DISP3: variants seen among roughly 807,000 people sequenced by gnomAD.
DISP3 encodes dispatched RND transporter family member 3.
A neutral mutation model predicts 135.3 loss-of-function variants in DISP3; 101 were observed. The observed-to-expected ratio is 0.75, with a 90% CI of 0.64 to 0.88. DISP3 has a LOEUF of 0.88. DISP3 is among the 40% of genes least tolerant of loss of function. The probability of loss-of-function intolerance (pLI) is 0.00; values close to 1 mark genes in which losing one functional copy is unlikely to be tolerated. For missense variants in DISP3, 1,713 were observed against 1,878.6 expected, an observed-to-expected ratio of 0.91 and a Z score of 1.63; for synonymous variants, 856 against 817.0, an observed-to-expected ratio of 1.05 and a Z score of -0.81.
chr1:11,533,520 G>A (rs576159812), intron 17 of DISP3, among the ~76,000 whole-genome samples: 1 of 152,278 alleles, frequency 6.6e-6, no homozygotes, highest in East Asian at 1.9e-4. Context: ...GCCTCCCAAA[G>A]TGCGGGGATT....
At chr1:11,535,681 A>AT in intron 20 of DISP3, 37 bp downstream of exon 20, 1 of 1,586,038 alleles carries the variant, frequency 6.3e-7, no homozygotes, top group Non-Finnish European at 8.6e-7. Flanking sequence ...TTCCCACCAC[A>AT]TTGGGTCTTC....
intron 3 of DISP3, among the ~76,000 whole-genome samples, chr1:11,511,628 T>G (rs1641858317): frequency 6.6e-6 from 1 of 152,042 alleles, no homozygotes; most frequent in Non-Finnish European, 1.5e-5. Flanking sequence ...TGGCATTGAG[T>G]GTCTGCAGCT....
chr1:11,524,594 C>T (rs1303694492), intron 11 of DISP3, among the ~76,000 whole-genome samples: 1 of 150,822 alleles, frequency 6.6e-6, no homozygotes, highest in African/African-American at 2.4e-5. Context: ...ACCACCTCCC[C>T]CACCATCCCT....
Position 11,512,874 on chromosome 1 carries a change from A to G in DISP3, c.1317-1516A>G, listed in dbSNP as rs529421886. 9.3e-3 allele frequency among the ~76,000 whole-genome samples: 1,409 copies of G among 152,312 alleles called. 12 individuals carry two copies. The highest frequency in any genetic ancestry group is 0.014 in the Non-Finnish European group (955 of 68,022). ...ACTCAGAATCATGGCAGGAGGCAAA[A>G]GGCACTTCTTACATGGGGACGGCAG... is the stretch of plus-strand genomic sequence containing the variant. On this transcript the variant is annotated intron_variant, in intron 3 of 20. Transcript: ENST00000294484.
chr1:11,503,239 A>G (rs1327483999), intron 3 of DISP3, among the ~76,000 whole-genome samples: 1 of 152,208 alleles, frequency 6.6e-6, no homozygotes, highest in Non-Finnish European at 1.5e-5. Context: ...TCACTGTATT[A>G]GTCAGGGTTC....
Position 11,529,863 on chromosome 1 carries a change from G to A in DISP3, c.3006G>A (p.Arg1002=), listed in dbSNP as rs1642529787. 1 of 1,613,918 alleles carries A rather than the reference G, an allele frequency of 6.2e-7. No homozygotes were observed. Among genetic ancestry groups the A allele is most frequent in the Non-Finnish European group, 8.5e-7 (1 of 1,180,036 alleles). ...CGGGCTGCGGGAAGCCGGCGGTGCG[G>A]CCACTAGTGGATACCGGGGCCATGG... ...VNTGCGKPAV[R]PLVDTGAMVF... is the part of the protein sequence containing the mutation. Residue 1002 remains arginine, a synonymous_variant, in exon 15 of 21, where the codon CGG becomes CGA. Coordinates refer to ENST00000294484, the MANE Select transcript of DISP3 (RefSeq NM_020780.2). This position sits in a 1 kb window ranked among gnomAD's most constrained non-coding sequence, Gnocchi z 4.7.
At chr1:11,530,556 C>T (rs1435403601) in intron 15 of DISP3, among the ~76,000 whole-genome samples, 1 of 151,178 alleles carries the variant, frequency 6.6e-6, no homozygotes, top group East Asian at 1.9e-4. Flanking sequence ...TGCAGGCGCT[C>T]GGAGCAGGGG....
rs1005397572 is a variant in DISP3 at position 11,529,660 on chromosome 1, GCTT to G, written c.2911_2913del (p.Phe971del). ...TCCAGCCCCGATGGGCCTACCAAAG[GCTT>G]CTTCTTCGTGCCTAGTGAGAAAGGT... is the stretch of plus-strand genomic sequence containing the variant. On this transcript the variant is annotated inframe_deletion, in exon 14 of 21. Transcript: ENST00000294484. The surrounding 1 kb of genome is among the most constrained non-coding windows in gnomAD (Gnocchi z 4.7). The G allele has an allele frequency of 6.2e-7, 1 of 1,607,996 alleles. No homozygotes were observed. The highest frequency in any genetic ancestry group is 8.5e-7 in the Non-Finnish European group (1 of 1,175,198).
chr1:11,497,841 T>C (rs929011322), intron 1 of DISP3, among the ~76,000 whole-genome samples: 1 of 152,260 alleles, frequency 6.6e-6, no homozygotes, highest in Non-Finnish European at 1.5e-5. Flanking sequence ...TTAATTCATT[T>C]GTCCAGGGGA....
At chr1:11,534,925 CAGAG>C (rs1266590339) in intron 18 of DISP3, 82 bp from the exon 19 acceptor site, 2 of 1,206,936 alleles carry the variant, frequency 1.7e-6, no homozygotes, top group Non-Finnish European at 1.2e-6. Flanking sequence ...GTCGGAGTCT[CAGAG>C]AGGTCAAGGG....
At chr1:11,527,547 CAAAA>C (rs35666879) in intron 13 of DISP3, among the ~76,000 whole-genome samples, 1 of 123,310 alleles carries the variant, frequency 8.1e-6, no homozygotes, top group East Asian at 2.2e-4. Flanking sequence ...GACTCCATCT[CAAAA>C]AAAAAAAAAA....
intron 1 of DISP3, among the ~76,000 whole-genome samples, chr1:11,494,213 T>A (rs1367537859): frequency 1.3e-5 from 2 of 152,374 alleles, no homozygotes; most frequent in East Asian, 3.8e-4. Context: ...ATGCCTTCCC[T>A]AGCGTCCTTG....
At chr1:11,524,137 T>C (rs1439254384) in intron 11 of DISP3, 82 bp downstream of exon 11, 1 of 1,051,662 alleles carries the variant, frequency 9.5e-7, no homozygotes, top group Non-Finnish European at 1.4e-6. Context: ...ATAAAATTCC[T>C]TCTGGATTCT....
At position 11,514,486 on chromosome 1, in the gene DISP3, C is replaced by T. The variant is rs772485991; in HGVS notation, c.1413C>T (p.Ser471=). The change falls in exon 4 of 21, where the codon AGC becomes AGT. Residue 471 remains serine (S), a synonymous_variant. Coordinates refer to ENST00000294484, the MANE Select transcript of DISP3 (RefSeq NM_020780.2). ...TGCTCCTGGCCTTCATCAGCAGCAG[C>T]TGCATTGCTGCCCTGGTCTACATCC... ...NDMLLAFISS[S]CIAALVYILT... is the part of the protein sequence containing the mutation. The T allele has an allele frequency of 4.3e-6, 7 of 1,614,064 alleles. No individual in the cohort carries two copies. In the Admixed American group the frequency reaches 5.0e-5, roughly 12 times the overall value.
In DISP3 at chr1:11,502,707, G is replaced by C; in HGVS notation, c.1126G>C (p.Glu376Gln). The part of the protein sequence containing the change: ...GSLELAMTHP[E>Q]FYWYVDEGLS... ...CCTGGAGCTGGCCATGACTCACCCT[G>C]AGTTCTACTGGTATGTGGATGAGGG... Residue 376 changes from glutamate (E) to glutamine (Q), a missense_variant, in exon 3 of 21, where the codon GAG becomes CAG. Transcript: ENST00000294484. 6.2e-7 allele frequency: 1 copy of C among 1,614,154 alleles called. No individual in the cohort carries two copies.
chr1:11,498,919 A>G (rs1372977813), intron 1 of DISP3, among the ~76,000 whole-genome samples: 2 of 152,098 alleles, frequency 1.3e-5, no homozygotes, highest in Non-Finnish European at 2.9e-5. Context: ...GTCTGCCTCC[A>G]AAGCCGTAGC....
Position 11,501,606 on chromosome 1 carries a change from G to A in DISP3, c.614G>A (p.Arg205His). Reference sequence around the variant, plus strand: ...GCCAATCGGAGCGGGCGACTTCGGCGTGAGACCCCGCCCCTGGAGGATCTG... The same window carrying A: ...GCCAATCGGAGCGGGCGACTTCGGCATGAGACCCCGCCCCTGGAGGATCTG... ...PTANRSGRLR[R>H]ETPPLEDLAA... is the part of the protein sequence containing the mutation. The change falls in exon 2 of 21, where the codon CGT becomes CAT. Residue 205 changes from arginine to histidine, a missense_variant. This residue lies in a region of DISP3 where 571 missense variants were observed against 494.1 expected (regional missense o/e 1.16). Transcript: ENST00000294484. The surrounding 1 kb of genome is among the most constrained non-coding windows in gnomAD (Gnocchi z 4.9). The A allele has an allele frequency of 6.2e-7, 1 of 1,602,698 alleles. No homozygotes were observed. The highest frequency in any genetic ancestry group is 1.7e-5 in the Admixed American group (1 of 58,934).
chr1:11,503,994 C>T (rs953656188), intron 3 of DISP3, among the ~76,000 whole-genome samples: 17 of 152,168 alleles, frequency 1.1e-4, no homozygotes, highest in African/African-American at 4.1e-4. Context: ...AGCAGTCCTT[C>T]TGGGCAGTAA....
At position 11,516,037 on chromosome 1, in the gene DISP3, G is replaced by T; in HGVS notation, c.1625G>T (p.Arg542Leu). 1 of 1,613,974 alleles carries T rather than the reference G, an allele frequency of 6.2e-7. No individual in the cohort carries two copies. The highest frequency in any genetic ancestry group is 8.5e-7 in the Non-Finnish European group (1 of 1,179,950). Residue 542 changes from arginine to leucine, a missense_variant, in exon 6 of 21, where the codon CGC becomes CTC. Arg to Leu is a moderately radical substitution (Grantham distance 102, BLOSUM62 -2). Around this residue, in one of 2 missense-constraint regions of DISP3, gnomAD observed 1,142 missense variants for 1,384.6 expected, o/e 0.82. Coordinates refer to ENST00000294484, the MANE Select transcript of DISP3 (RefSeq NM_020780.2). The surrounding 1 kb of genome is among the most constrained non-coding windows in gnomAD (Gnocchi z 5.1). ...DDVFVFINTY[R>L]QATHLEDPQL... ...GTCTTTGTGTTCATCAACACCTACC[G>T]CCAGGCCACCCACCTGGAAGACCCA...
Sources: gnomAD v4.1 joint callset for allele counts (sites outside exome capture counted in the v4.1 genomes callset) on GRCh38, gnomAD v4.1.1 for gene constraint, gnomAD v4.1.1 regional missense constraint, Gnocchi (gnomAD v3.1) non-coding constraint, MANE v1.5 for transcripts, NCBI Gene and HGNC (gene_info 2026-07-23, HGNC 2026-07-21) for gene names.